PCDHA8: variants seen among roughly 807,000 people sequenced by gnomAD.
PCDHA8 encodes the protein protocadherin alpha-8.
PCDHA8 carries 53 observed loss-of-function variants against 61.8 expected under a neutral mutation model. That is an observed-to-expected ratio of 0.86 (90% confidence interval 0.69 to 1.08). The LOEUF (loss-of-function observed/expected upper bound fraction) is 1.08. PCDHA8 is among the 50% of genes least tolerant of loss of function. The pLI, the probability that PCDHA8 is intolerant of heterozygous loss-of-function variation, is 0.00. For synonymous variants in PCDHA8, 618 were observed against 556.6 expected (o/e 1.11, Z -1.55); for missense variants, 1,293 against 1,245.0 (o/e 1.04, Z -0.58).
rs369536692 is a variant in PCDHA8 at position 140,876,705 on chromosome 5, C to T, written c.2394+32990C>T. The T allele has an allele frequency of 2.0e-5, 33 of 1,614,240 alleles. No individual in the cohort carries two copies. In the African/African-American group the frequency reaches 3.3e-4, roughly 16 times the overall value. ...ATTACTACTCGTTGGTGCTGGACAG[C>T]GCCCTGGACCGCGAGAGCGTGTCGG... On this transcript the variant is annotated intron_variant, in intron 1 of 3. Transcript: ENST00000531613.
At chr5:140,967,885 A>G in intron 1 of PCDHA8, 1 of 1,614,134 alleles carries the variant, frequency 6.2e-7, no homozygotes, top group South Asian at 1.1e-5. Context: ...TGTATAGCCC[A>G]GTGCCTGAGA....
At chr5:140,925,537 A>G (rs1325632505) in intron 1 of PCDHA8, among the ~76,000 whole-genome samples, 4 of 152,070 alleles carry the variant, frequency 2.6e-5, no homozygotes, top group Non-Finnish European at 2.9e-5. Flanking sequence ...GAGGAGAAAT[A>G]CCTAATGTAA....
chr5:140,924,901 A>AAT (rs145282866), intron 1 of PCDHA8, among the ~76,000 whole-genome samples: 9,116 of 79,802 alleles, frequency 0.11, 381 homozygotes, highest in Middle Eastern at 0.21. Context: ...TCTCAAAAAA[A>AAT]AAAATAAAAT....
intron 1 of PCDHA8, among the ~76,000 whole-genome samples, chr5:140,881,116 TG>T (rs1181000408): frequency 3.3e-5 from 5 of 152,242 alleles, no homozygotes; most frequent in African/African-American, 7.2e-5. Flanking sequence ...CCTGGGATTT[TG>T]TGGCTTGGTA....
intron 1 of PCDHA8, chr5:140,870,247 G>C (rs2051798085): frequency 5.6e-6 from 9 of 1,614,024 alleles, no homozygotes; most frequent in Admixed American, 1.7e-5. Flanking sequence ...AGGTGTCAAC[G>C]GACAGGTGAC....
At chr5:140,936,527 T>G (rs533687361) in intron 1 of PCDHA8, among the ~76,000 whole-genome samples, 3 of 152,368 alleles carry the variant, frequency 2.0e-5, no homozygotes, top group African/African-American at 7.2e-5. Context: ...CTGAAATTGC[T>G]TTTGAATATA....
At chr5:140,999,486 A>G (rs1282748321) in intron 3 of PCDHA8, among the ~76,000 whole-genome samples, 1 of 152,144 alleles carries the variant, frequency 6.6e-6, no homozygotes, top group Non-Finnish European at 1.5e-5. Context: ...ACTCAAGTCT[A>G]TGTTACCCAA....
intron 1 of PCDHA8, among the ~76,000 whole-genome samples, chr5:140,950,472 T>C (rs782525513): frequency 2.0e-5 from 3 of 152,084 alleles, no homozygotes; most frequent in East Asian, 1.9e-4. Context: ...TCATAGTTTC[T>C]GATGAGAAGT....
At chr5:140,951,289 T>C (rs546786558) in intron 1 of PCDHA8, among the ~76,000 whole-genome samples, 12 of 152,232 alleles carry the variant, frequency 7.9e-5, no homozygotes, top group Non-Finnish European at 1.3e-4. Context: ...TTTTGGATTA[T>C]ATCTTGATAT....
intron 1 of PCDHA8, chr5:140,966,328 CG>C: frequency 2.5e-6 from 1 of 392,484 alleles, no homozygotes; most frequent in Non-Finnish European, 4.5e-6. Flanking sequence ...CGCTGGGATC[CG>C]GCAGGTCCAG....
At chr5:140,968,640 C>T (rs2096260908) in intron 1 of PCDHA8, 1 of 1,614,038 alleles carries the variant, frequency 6.2e-7, no homozygotes, top group Admixed American at 1.7e-5. Context: ...TACCATCTAG[C>T]CCAGACTTCT....
At chr5:140,863,518 C>T (rs1339237201) in intron 1 of PCDHA8, 13 of 402,142 alleles carry the variant, frequency 3.2e-5, no homozygotes, top group Middle Eastern at 7.3e-4. Context: ...AGTGTTCTCC[C>T]ATGGTTCAGA....
In PCDHA8 at chr5:140,883,753, G is replaced by A. The variant is rs945452765; in HGVS notation, c.2394+40038G>A. 5 of 1,613,010 alleles carry A rather than the reference G, an allele frequency of 3.1e-6. No homozygotes were observed. The African/African-American group carries it at 5.3e-5, about 17-fold the overall frequency. ...ACGCGCTGGTCTCCTACTCGCTGGT[G>A]GAGCGGCGGGTGGGCGAGCGTGCGC... is the stretch of plus-strand genomic sequence containing the variant. On this transcript the variant is annotated intron_variant, in intron 1 of 3. Transcript: ENST00000531613.
intron 1 of PCDHA8, among the ~76,000 whole-genome samples, chr5:140,846,008 T>C (rs1253798347): frequency 1.3e-5 from 2 of 149,708 alleles, no homozygotes; most frequent in African/African-American, 2.4e-5. Context: ...ATGAAAAAAA[T>C]CTAAAAGTTA....
At chr5:140,993,462 T>TCACACACACACACACACA (rs3836747) in intron 3 of PCDHA8, among the ~76,000 whole-genome samples, 2 of 140,938 alleles carry the variant, frequency 1.4e-5, no homozygotes, top group African/African-American at 5.3e-5. Flanking sequence ...TCTTTCTTTC[T>TCACACACACACACACACA]CACACACACA....
chr5:140,850,254 G>C, intron 1 of PCDHA8: 1 of 1,593,786 alleles, frequency 6.3e-7, no homozygotes, highest in Non-Finnish European at 8.6e-7. Flanking sequence ...GTCGGTGGGC[G>C]CCGGCGTAGT....
At chr5:140,993,434 AT>A (rs1243337816) in intron 3 of PCDHA8, among the ~76,000 whole-genome samples, 2 of 150,146 alleles carry the variant, frequency 1.3e-5, no homozygotes, top group Non-Finnish European at 3.0e-5. Flanking sequence ...TAAAATCCTT[AT>A]TCATTCCTGT....
At chr5:140,864,054 C>T (rs575153653) in intron 1 of PCDHA8, 20 of 152,698 alleles carry the variant, frequency 1.3e-4, no homozygotes, top group African/African-American at 4.6e-4. Flanking sequence ...TTACTACAGT[C>T]ACCATGAACA....
At chr5:140,968,480 A>G in intron 1 of PCDHA8, 1 of 1,614,140 alleles carries the variant, frequency 6.2e-7, no homozygotes. Flanking sequence ...TGTGGTGGAC[A>G]TGAATGACCA....
Sources: allele counts gnomAD v4.1 joint callset (sites outside exome capture counted in the v4.1 genomes callset), GRCh38; gene constraint gnomAD v4.1.1; transcripts MANE v1.5; gene names NCBI Gene and HGNC (gene_info 2026-07-23, HGNC 2026-07-21).